Variants in LCOR observed in about 807,000 individuals in gnomAD.
LCOR encodes the protein ligand-dependent corepressor.
Under a neutral mutation model 64.4 loss-of-function variants are expected in LCOR, and 14 were observed. The ratio of observed to expected loss-of-function variants is 0.22; its 90% CI spans 0.14 to 0.34. LCOR has a LOEUF of 0.34. Among genes scored for constraint, LCOR ranks in the 10% least tolerant of loss-of-function variants. The pLI is 1.00. For missense variants in LCOR, 1,686 were observed against 1,765.3 expected (o/e 0.96, Z 0.80); for synonymous variants, 643 against 642.5 (o/e 1.00, Z -0.01).
Position 96,984,362 on chromosome 10 carries a change from T to C in LCOR, c.3902T>C (p.Leu1301Pro). Residue 1301 changes from leucine to proline, a missense_variant, in exon 8 of 8, where the codon CTG becomes CCG. Transcript: ENST00000421806. The stretch of plus-strand genomic sequence containing the variant: ...AGAAACAGTCATCCTCCAGCAAACC[T>C]GCCCACTCCAGCCAGTACCCGGATT... Reference protein sequence around the residue: ...EDRNSHPPANLPTPASTRILR... With the variant: ...EDRNSHPPANPPTPASTRILR... The C allele has an allele frequency of 6.2e-7, 1 of 1,614,120 alleles. No individual in the cohort carries two copies. Among genetic ancestry groups the C allele is most frequent in the Non-Finnish European group, 8.5e-7 (1 of 1,180,040 alleles).
chr10:96,944,831 T>C (rs548844055), intron 5 of LCOR, among the ~76,000 whole-genome samples: 2 of 152,166 alleles, frequency 1.3e-5, no homozygotes, highest in Admixed American at 1.3e-4. Flanking sequence ...CTTGAAACTT[T>C]TGTAGGCTTG....
chr10:96,975,143 C>T (rs1489432825), intron 7 of LCOR, among the ~76,000 whole-genome samples: 2 of 152,082 alleles, frequency 1.3e-5, no homozygotes, highest in Non-Finnish European at 2.9e-5. Flanking sequence ...TGCACTCCAG[C>T]CTGGGCGACA....
intron 4 of LCOR, among the ~76,000 whole-genome samples, chr10:96,914,912 T>C (rs1455948134): frequency 6.6e-6 from 1 of 152,190 alleles, no homozygotes; most frequent in Non-Finnish European, 1.5e-5. Flanking sequence ...TAACCAATTA[T>C]TGGGGGTCAG....
Position 96,907,896 on chromosome 10 carries a change from G to C in LCOR, c.-184+149G>C, listed in dbSNP as rs183017206. 5.2e-3 allele frequency: 855 copies of C among 165,280 alleles called. 20 individuals are homozygous for C. The highest frequency in any genetic ancestry group is 0.044 in the South Asian group (220 of 5,016). 10.2% of individuals were successfully genotyped at this position (165,280 alleles called of 1,614,324 possible). A position where few individuals can be genotyped will look rare whatever the true frequency, so the allele number is the denominator to read the frequency against. ...ATGAAAGAGTTTGATAGTAATCCTG[G>C]GTTTTGCAATTTAAGTTATTTCCAT... On this transcript the variant is annotated intron_variant, in intron 4 of 7. Transcript: ENST00000421806.
At chr10:96,837,475 C>T (rs1845466465) in intron 2 of LCOR, among the ~76,000 whole-genome samples, 1 of 151,950 alleles carries the variant, frequency 6.6e-6, no homozygotes, top group Admixed American at 6.6e-5. Flanking sequence ...CCAGGCTGGT[C>T]TTGAACTCCT....
At chr10:96,955,552 C>T (rs761096022) in intron 7 of LCOR, 1 of 1,614,040 alleles carries the variant, frequency 6.2e-7, no homozygotes, top group Non-Finnish European at 8.5e-7. Context: ...GGACCCGATT[C>T]TTGGGGCTCA....
intron 2 of LCOR, among the ~76,000 whole-genome samples, chr10:96,892,957 C>T (rs377499692): frequency 1.3e-5 from 2 of 152,232 alleles, no homozygotes; most frequent in East Asian, 3.9e-4. Flanking sequence ...GGAACATTTC[C>T]CATTTTATAT....
chr10:96,900,792 T>C (rs1337663357), intron 2 of LCOR, among the ~76,000 whole-genome samples: 1 of 152,062 alleles, frequency 6.6e-6, no homozygotes, highest in East Asian at 1.9e-4. Context: ...TCTATAAATG[T>C]CTTTTATCAA....
intron 4 of LCOR, among the ~76,000 whole-genome samples, chr10:96,939,692 C>T (rs915273957): frequency 2.6e-5 from 4 of 152,170 alleles, no homozygotes; most frequent in East Asian, 1.9e-4. Context: ...AGGCCGGGCG[C>T]GGGGCCCACG....
At chr10:96,892,613 T>C (rs114804519) in intron 2 of LCOR, among the ~76,000 whole-genome samples, 8,390 of 152,214 alleles carry the variant, frequency 0.055, 778 homozygotes, top group African/African-American at 0.19. Flanking sequence ...CCTTATTTTC[T>C]TAATCACCTT....
intron 2 of LCOR, among the ~76,000 whole-genome samples, chr10:96,846,884 C>T (rs558179466): frequency 1.3e-5 from 2 of 152,246 alleles, no homozygotes; most frequent in East Asian, 3.9e-4. Context: ...CTTTATGTAA[C>T]ATATCCATAT....
At chr10:96,930,239 CTA>C (rs1337403531) in intron 4 of LCOR, among the ~76,000 whole-genome samples, 2 of 152,128 alleles carry the variant, frequency 1.3e-5, no homozygotes, top group African/African-American at 2.4e-5. Flanking sequence ...TGCCATTGAT[CTA>C]TATGTCTGTC....
At chr10:96,915,913 AC>A in intron 4 of LCOR, 1 of 406,522 alleles carries the variant, frequency 2.5e-6, no homozygotes, top group Non-Finnish European at 4.7e-6. Context: ...ATTGGCAGCG[AC>A]GGCGGCAGGA....
intron 2 of LCOR, among the ~76,000 whole-genome samples, chr10:96,887,919 G>A (rs1846371905): frequency 6.6e-6 from 1 of 151,534 alleles, no homozygotes; most frequent in South Asian, 2.1e-4. Flanking sequence ...GAATCCAGGT[G>A]ATCCACCTGC....
intron 2 of LCOR, among the ~76,000 whole-genome samples, chr10:96,851,365 A>G (rs987130160): frequency 1.3e-5 from 2 of 152,244 alleles, no homozygotes; most frequent in Admixed American, 6.5e-5. Context: ...CACGTTCTTC[A>G]GCAGCACACT....
intron 2 of LCOR, among the ~76,000 whole-genome samples, chr10:96,898,505 GT>G (rs543399511): frequency 3.1e-4 from 47 of 152,324 alleles, no homozygotes; most frequent in African/African-American, 1.1e-3. Flanking sequence ...AAAGGATGAT[GT>G]TTAGCAGCAG....
At chr10:96,900,594 A>T (rs1246237660) in intron 2 of LCOR, among the ~76,000 whole-genome samples, 1 of 152,136 alleles carries the variant, frequency 6.6e-6, no homozygotes, top group Non-Finnish European at 1.5e-5. Flanking sequence ...ATGAAAATGA[A>T]GACTGACAAC....
At chr10:96,923,614 A>G (rs749226014) in intron 4 of LCOR, among the ~76,000 whole-genome samples, 2 of 152,232 alleles carry the variant, frequency 1.3e-5, no homozygotes, top group African/African-American at 2.4e-5. Flanking sequence ...TTAGAGCTAC[A>G]AAAGAAACTT....
At chr10:96,891,655 G>T (rs1846446309) in intron 2 of LCOR, among the ~76,000 whole-genome samples, 1 of 142,598 alleles carries the variant, frequency 7.0e-6, no homozygotes, top group Admixed American at 7.7e-5. Flanking sequence ...CAGTTCTCCT[G>T]TCTCAGCCTC....
Sources: gnomAD v4.1 joint callset for allele counts (sites outside exome capture counted in the v4.1 genomes callset) on GRCh38, gnomAD v4.1.1 for gene constraint, MANE v1.5 for transcripts, NCBI Gene and HGNC (gene_info 2026-07-23, HGNC 2026-07-21) for gene names.